Variants in PCDHGA6 observed in about 807,000 individuals in gnomAD.
PCDHGA6 encodes protocadherin gamma subfamily A, 6.
PCDHGA6 carries 41 observed loss-of-function variants against 60.6 expected under a neutral mutation model. The ratio of observed to expected loss-of-function variants is 0.68; its 90% CI spans 0.53 to 0.88. PCDHGA6 has a LOEUF of 0.88. PCDHGA6 is among the 40% of genes least tolerant of loss of function. The probability of loss-of-function intolerance (pLI) is 0.00; values close to 1 mark genes in which losing one functional copy is unlikely to be tolerated. For missense variants in PCDHGA6, 1,312 were observed against 1,203.0 expected (o/e 1.09, Z -1.34); for synonymous variants, 594 against 524.4 (o/e 1.13, Z -1.81).
chr5:141,385,771 C>A, intron 1 of PCDHGA6: 1 of 163,128 alleles, frequency 6.1e-6, no homozygotes, highest in Non-Finnish European at 1.3e-5. Context: ...CTGATTCTGC[C>A]TCCATGTACC....
chr5:141,396,326 A>T (rs1198474229), intron 1 of PCDHGA6: 3 of 152,326 alleles, frequency 2.0e-5, no homozygotes, highest in Admixed American at 1.3e-4. Context: ...TCTCTAAAAA[A>T]ACTATTATTA....
chr5:141,389,341 C>G, intron 1 of PCDHGA6: 1 of 1,614,016 alleles, frequency 6.2e-7, no homozygotes, highest in East Asian at 2.2e-5. Context: ...GGCCAAGTCT[C>G]TTACTGCATC....
At chr5:141,409,614 T>C in intron 1 of PCDHGA6, 1 of 1,613,880 alleles carries the variant, frequency 6.2e-7, no homozygotes, top group Non-Finnish European at 8.5e-7. Flanking sequence ...GGAGCCTCCA[T>C]TGCGCAAGTG....
intron 1 of PCDHGA6, among the ~76,000 whole-genome samples, chr5:141,457,293 T>A (rs2098916185): frequency 6.6e-6 from 1 of 152,226 alleles, no homozygotes; most frequent in Admixed American, 6.5e-5. Context: ...TTCCTTGGTT[T>A]TATTTTCCCA....
chr5:141,447,389 C>T (rs1467715872), intron 1 of PCDHGA6, among the ~76,000 whole-genome samples: 1 of 152,150 alleles, frequency 6.6e-6, no homozygotes, highest in African/African-American at 2.4e-5. Context: ...CTGCCCACCT[C>T]GGCCTCCCAA....
intron 3 of PCDHGA6, chr5:141,507,291 T>A (rs956764262): frequency 3.4e-5 from 5 of 147,704 alleles, no homozygotes; most frequent in African/African-American, 5.1e-5. Flanking sequence ...CAGTCTCAAA[T>A]GTTGCATGAG....
chr5:141,496,802 A>G (rs1483438160), intron 2 of PCDHGA6, among the ~76,000 whole-genome samples: 1 of 152,050 alleles, frequency 6.6e-6, no homozygotes, highest in Admixed American at 6.6e-5. Flanking sequence ...ACATTGGGCT[A>G]TAGGAGTGAA....
At chr5:141,470,862 G>T (rs1363111218) in intron 1 of PCDHGA6, among the ~76,000 whole-genome samples, 1 of 151,596 alleles carries the variant, frequency 6.6e-6, no homozygotes, top group Non-Finnish European at 1.5e-5. Context: ...TAAGTTTTTT[G>T]TTTGTTTGTT....
intron 1 of PCDHGA6, chr5:141,423,080 T>C: frequency 6.2e-7 from 1 of 1,614,050 alleles, no homozygotes; most frequent in East Asian, 2.2e-5. Flanking sequence ...CCGGGACTCT[T>C]CGCGGTGGGG....
At chr5:141,441,725 C>T (rs2098268012) in intron 1 of PCDHGA6, 3 of 352,332 alleles carry the variant, frequency 8.5e-6, no homozygotes. Flanking sequence ...AGGCCCGCGA[C>T]CAGGACTAGC....
At chr5:141,422,696 ACT>A in intron 1 of PCDHGA6, 1 of 1,602,756 alleles carries the variant, frequency 6.2e-7, no homozygotes, top group Non-Finnish European at 8.5e-7. Flanking sequence ...CTGGTCACTT[ACT>A]CTCTGACGGA....
intron 1 of PCDHGA6, chr5:141,394,371 T>G: frequency 6.2e-7 from 1 of 1,614,174 alleles, no homozygotes; most frequent in Non-Finnish European, 8.5e-7. Context: ...GCTGCAATCT[T>G]TCGACTATGA....
chr5:141,431,607 A>G lies in PCDHGA6; in HGVS notation c.2424+55100A>G. ...GCGGAAGTGAGGTATTCCTTCCGGT[A>G]TGTGGACGACAAGGCGGCCCAAGTT... is the stretch of plus-strand genomic sequence containing the variant. On this transcript the variant is annotated intron_variant, in intron 1 of 3. Transcript: ENST00000517434. The surrounding 1 kb of genome is among the most constrained non-coding windows in gnomAD (Gnocchi z 4.8). 6.2e-7 allele frequency: 1 copy of G among 1,614,230 alleles called. No individual in the cohort carries two copies. Among genetic ancestry groups the G allele is most frequent in the Non-Finnish European group, 8.5e-7 (1 of 1,180,040 alleles).
At chr5:141,484,931 A>ACGTT (rs1464416110) in intron 1 of PCDHGA6, 2 of 498,000 alleles carry the variant, frequency 4.0e-6, no homozygotes, top group Non-Finnish European at 7.2e-6. Flanking sequence ...TGCTGTTGGG[A>ACGTT]CGTTCTCTGC....
Position 141,494,842 on chromosome 5 carries a change from G to A in PCDHGA6, c.2460G>A (p.Gln820=). 1 of 1,614,116 alleles carries A rather than the reference G, an allele frequency of 6.2e-7. No homozygotes were observed. Among genetic ancestry groups the A allele is most frequent in the Non-Finnish European group, 8.5e-7 (1 of 1,180,018 alleles). The change falls in exon 2 of 4, where the codon CAG becomes CAA. Residue 820 remains glutamine, a synonymous_variant. Coordinates refer to ENST00000517434, the MANE Select transcript of PCDHGA6 (RefSeq NM_018919.3). ...APPNTDWRFS[Q]AQRPGTSGSQ... is the part of the protein sequence containing the mutation. ...CCAACACGGACTGGCGTTTCTCTCA[G>A]GCCCAGAGACCCGGCACCAGCGGGT... is the stretch of plus-strand genomic sequence containing the variant.
At chr5:141,398,079 G>A (rs1409220171) in intron 1 of PCDHGA6, 9 of 1,596,334 alleles carry the variant, frequency 5.6e-6, no homozygotes, top group Middle Eastern at 3.8e-4. Context: ...GAGGTTATTT[G>A]TAACCTGGCG....
chr5:141,487,377 C>T lies in PCDHGA6; in HGVS notation c.2425-7430C>T, dbSNP rs758216933. Reference sequence around the variant, plus strand: ...CCTGCTGGCACCTGTGCCTGTCTCACCAGATCTCGAAGGAGGGAGGGGCTT... The same window carrying T: ...CCTGCTGGCACCTGTGCCTGTCTCATCAGATCTCGAAGGAGGGAGGGGCTT... On this transcript the variant is annotated intron_variant, in intron 1 of 3. Transcript: ENST00000517434. The surrounding 1 kb of genome is among the most constrained non-coding windows in gnomAD (Gnocchi z 5.0). 6.2e-7 allele frequency: 1 copy of T among 1,614,190 alleles called. No homozygotes were observed. Among genetic ancestry groups the T allele is most frequent in the Non-Finnish European group, 8.5e-7 (1 of 1,180,034 alleles).
At chr5:141,394,435 C>G (rs1473725556) in intron 1 of PCDHGA6, 1 of 1,614,246 alleles carries the variant, frequency 6.2e-7, no homozygotes, top group Non-Finnish European at 8.5e-7. Flanking sequence ...GGGGACCCGC[C>G]CCTCAGCAGC....
In PCDHGA6 at chr5:141,457,578, C is replaced by T. The variant is rs538068150; in HGVS notation, c.2425-37229C>T. Among the ~76,000 whole-genome samples, 38 of 152,304 alleles carry T rather than the reference C, an allele frequency of 2.5e-4. No individual in the cohort carries two copies. The South Asian group carries it at 7.7e-3, about 31-fold the overall frequency. ...AGCTTTGGAGCAAAATTTTTCTCTC[C>T]AGTCCTCATTTTTGGTAAAAACTAA... On this transcript the variant is annotated intron_variant, in intron 1 of 3. Coordinates refer to ENST00000517434, the MANE Select transcript of PCDHGA6 (RefSeq NM_018919.3).
Sources: gnomAD v4.1 joint callset for allele counts (sites outside exome capture counted in the v4.1 genomes callset) on GRCh38, gnomAD v4.1.1 for gene constraint, Gnocchi (gnomAD v3.1) non-coding constraint, MANE v1.5 for transcripts, NCBI Gene and HGNC (gene_info 2026-07-23, HGNC 2026-07-21) for gene names.